Variants in SOS2 observed in about 807,000 individuals in gnomAD.
SOS2 encodes the protein son of sevenless homolog 2.
In SOS2, 65 loss-of-function variants were observed where a neutral mutation model predicts 148.2. The ratio of observed to expected loss-of-function variants is 0.44; its 90% CI spans 0.36 to 0.54. The LOEUF is 0.54. Among genes scored for constraint, SOS2 ranks in the 20% least tolerant of loss-of-function variants. The probability of loss-of-function intolerance (pLI) is 0.00; values close to 1 mark genes in which losing one functional copy is unlikely to be tolerated. For missense variants in SOS2, 1,341 were observed against 1,590.2 expected (o/e 0.84, Z 2.67); for synonymous variants, 539 against 537.1 (o/e 1.00, Z -0.05).
rs115989850 is a variant in SOS2, at chr14:50,141,919, T to C, written c.2668-1860A>G. 6.3e-3 allele frequency among the ~76,000 whole-genome samples: 952 copies of C among 152,012 alleles called. 12 individuals are homozygous for C. The highest frequency in any genetic ancestry group is 0.022 in the African/African-American group (892 of 41,426). ...TGGCACTGGCACAAGAGTGATCAAA[T>C]AGATCAAAGGAACAGAACAGAGAGA... On this transcript the variant is annotated intron_variant, in intron 16 of 22. Coordinates refer to ENST00000216373, the MANE Select transcript of SOS2 (RefSeq NM_006939.4).
chr14:50,123,871 T>TA (rs1225810375), intron 21 of SOS2, among the ~76,000 whole-genome samples: 6 of 152,190 alleles, frequency 3.9e-5, no homozygotes, highest in African/African-American at 1.4e-4. Context: ...AAAAAATTGT[T>TA]AGATTCTGGA....
chr14:50,206,891 T>C (rs1886676979), intron 1 of SOS2, among the ~76,000 whole-genome samples: 1 of 152,168 alleles, frequency 6.6e-6, no homozygotes. Flanking sequence ...TGGCTCACTG[T>C]AGCCTTGACC....
chr14:50,150,992 G>C (rs957934638), intron 13 of SOS2, among the ~76,000 whole-genome samples: 58 of 152,026 alleles, frequency 3.8e-4, no homozygotes, highest in African/African-American at 1.3e-3. Flanking sequence ...CAAAGTGCTG[G>C]GATTACAGGC....
chr14:50,132,738 G>A (rs574762994), intron 19 of SOS2, among the ~76,000 whole-genome samples: 2 of 152,252 alleles, frequency 1.3e-5, no homozygotes, highest in South Asian at 2.1e-4. Context: ...TTCTTGTTGA[G>A]TTTGTAGAGG....
intron 7 of SOS2, among the ~76,000 whole-genome samples, chr14:50,177,007 C>T (rs1330376586): frequency 2.0e-5 from 3 of 152,118 alleles, no homozygotes; most frequent in Admixed American, 2.0e-4. Flanking sequence ...GAGATTCCGC[C>T]GCAAACAAAC....
At chr14:50,197,109 T>A (rs527446814) in intron 4 of SOS2, among the ~76,000 whole-genome samples, 89 of 152,230 alleles carry the variant, frequency 5.8e-4, no homozygotes, top group Admixed American at 1.8e-3. Flanking sequence ...TGTCTCAGCC[T>A]CCCAAAGTGC....
chr14:50,170,949 C>T (rs575129940), intron 8 of SOS2, among the ~76,000 whole-genome samples: 4 of 151,532 alleles, frequency 2.6e-5, no homozygotes, highest in Non-Finnish European at 5.9e-5. Context: ...CCTGTCTCTA[C>T]TAAAAATACA....
At chr14:50,214,101 T>C (rs1353662619) in intron 1 of SOS2, among the ~76,000 whole-genome samples, 1 of 95,712 alleles carries the variant, frequency 1.0e-5, no homozygotes, top group Non-Finnish European at 2.7e-5. Context: ...GGGGAAGTAA[T>C]GCTATTTTTC....
intron 22 of SOS2, among the ~76,000 whole-genome samples, chr14:50,120,059 C>T (rs905896544): frequency 1.3e-5 from 2 of 152,086 alleles, no homozygotes; most frequent in Admixed American, 1.3e-4. Flanking sequence ...GTGATCTACC[C>T]GCCTGGCATG....
chr14:50,190,693 T>C (rs1385565850), intron 4 of SOS2, among the ~76,000 whole-genome samples: 1 of 152,186 alleles, frequency 6.6e-6, no homozygotes, highest in Non-Finnish European at 1.5e-5. Context: ...TCCTAACTTC[T>C]TTAGGATAAA....
intron 8 of SOS2, among the ~76,000 whole-genome samples, chr14:50,167,743 A>C (rs944578756): frequency 1.3e-5 from 2 of 151,022 alleles, no homozygotes; most frequent in Non-Finnish European, 2.9e-5. Context: ...GGTGGTGTGC[A>C]CCTGTAATCC....
At chr14:50,134,268 T>C (rs368084331) in intron 18 of SOS2, 29 bp from the exon 19 acceptor site, 5 of 999,888 alleles carry the variant, frequency 5.0e-6, no homozygotes, top group Non-Finnish European at 6.2e-6. Context: ...CACAAGTGCA[T>C]ATATAGTAAG....
chr14:50,231,679 AGCG>A (rs569943648), upstream of SOS2: 114 of 162,346 alleles, frequency 7.0e-4, no homozygotes, highest in Middle Eastern at 3.0e-3. Context: ...GGCGGTGAGC[AGCG>A]GCGGCGGCGG....
At chr14:50,204,451 A>G (rs761770635) in intron 1 of SOS2, 42 bp from the exon 2 acceptor site, 164 of 1,277,118 alleles carry the variant, frequency 1.3e-4, no homozygotes, top group Admixed American at 4.7e-4. Context: ...GCAAAATAAT[A>G]TAAATTGAAC....
At chr14:50,119,730 T>A (rs1400932069) in intron 22 of SOS2, among the ~76,000 whole-genome samples, 1 of 151,592 alleles carries the variant, frequency 6.6e-6, no homozygotes, top group Admixed American at 6.6e-5. Flanking sequence ...GAGACAGGGT[T>A]TCACCATATT....
intron 4 of SOS2, among the ~76,000 whole-genome samples, chr14:50,198,111 G>A (rs1302553574): frequency 6.6e-6 from 1 of 151,638 alleles, no homozygotes; most frequent in African/African-American, 2.4e-5. Context: ...AATGATTTTG[G>A]TAAAAAGATC....
At chr14:50,147,512 TAAAAAAAAA>T (rs60438147) in intron 14 of SOS2, among the ~76,000 whole-genome samples, 2 of 105,282 alleles carry the variant, frequency 1.9e-5, no homozygotes, top group Non-Finnish European at 3.7e-5. Flanking sequence ...ACCCTGTTTC[TAAAAAAAAA>T]AAAAAAAAAA....
chr14:50,154,224 C>G (rs1003005778), intron 12 of SOS2, among the ~76,000 whole-genome samples: 2 of 152,122 alleles, frequency 1.3e-5, no homozygotes, highest in Admixed American at 1.3e-4. Flanking sequence ...CCAATTTACT[C>G]CTACAACTCA....
chr14:50,186,210 TAC>T (rs1354371478), intron 5 of SOS2, among the ~76,000 whole-genome samples: 1 of 152,114 alleles, frequency 6.6e-6, no homozygotes, highest in Non-Finnish European at 1.5e-5. Context: ...TTATAGTAGA[TAC>T]AGAGATAGAT....
Sources: allele counts gnomAD v4.1 joint callset (sites outside exome capture counted in the v4.1 genomes callset), GRCh38; gene constraint gnomAD v4.1.1; transcripts MANE v1.5; gene names NCBI Gene and HGNC (gene_info 2026-07-23, HGNC 2026-07-21).